Variants in BRF1 observed in about 807,000 individuals in gnomAD.
BRF1 encodes BRF1 general transcription factor IIIB subunit.
Under a neutral mutation model 81.7 loss-of-function variants are expected in BRF1, and 59 were observed. The observed-to-expected ratio is 0.72, with a 90% CI of 0.59 to 0.90. The LOEUF is 0.90. Among genes scored for constraint, BRF1 ranks in the 40% least tolerant of loss-of-function variants. The pLI is 0.00. For missense variants in BRF1, 1,050 were observed against 936.3 expected, an observed-to-expected ratio of 1.12 and a Z score of -1.58; for synonymous variants, 491 against 395.6, an observed-to-expected ratio of 1.24 and a Z score of -2.86.
At chr14:105,262,011 T>C (rs1018199168) in intron 3 of BRF1, among the ~76,000 whole-genome samples, 1 of 152,174 alleles carries the variant, frequency 6.6e-6, no homozygotes, top group African/African-American at 2.4e-5. Flanking sequence ...CGGCCGAAGC[T>C]CCGTGTAGAG....
At chr14:105,287,160 G>A (rs1056113086) in intron 1 of BRF1, among the ~76,000 whole-genome samples, 2 of 152,194 alleles carry the variant, frequency 1.3e-5, no homozygotes, top group Admixed American at 6.5e-5. Context: ...TGCCTACGAC[G>A]TCCACCACAT....
rs587676138 is a variant in BRF1 at position 105,313,198 on chromosome 14, C to T, written c.-162+2124G>A. On this transcript the variant is annotated intron_variant, in intron 1 of 17. Transcript: ENST00000327359. Reference sequence around the variant, plus strand: ...ACCATGTGTCAGGCGGCCCATCCGTCTGACTGCAACTGCACGCTCGCCAGG... The same window carrying T: ...ACCATGTGTCAGGCGGCCCATCCGTTTGACTGCAACTGCACGCTCGCCAGG... Among the ~76,000 whole-genome samples, 72 of 152,362 alleles carry T rather than the reference C, an allele frequency of 4.7e-4. 1 individual carries two copies. The highest frequency in any genetic ancestry group is 1.6e-3 in the African/African-American group (66 of 41,574).
chr14:105,293,460 G>A (rs2057604283), intron 1 of BRF1, among the ~76,000 whole-genome samples: 1 of 152,236 alleles, frequency 6.6e-6, no homozygotes, highest in African/African-American at 2.4e-5. Flanking sequence ...GCTGCTCCTT[G>A]CACAGGACGA....
Position 105,252,506 on chromosome 14 carries a change from C to T in BRF1, c.544+1G>A, listed in dbSNP as rs760328197. On this transcript the variant is annotated splice_donor_variant, in intron 5 of 17. Coordinates refer to ENST00000547530, the MANE Select transcript of BRF1 (RefSeq NM_001519.4). LOFTEE classifies it high-confidence loss of function. ...CCCCAGCATCTCACCCAGATGCCTA[C>T]CTATGGCCGGCGCATTGATGCAGAG... is the stretch of plus-strand genomic sequence containing the variant. 6.2e-7 allele frequency: 1 copy of T among 1,613,616 alleles called. No homozygotes were observed. The highest frequency in any genetic ancestry group is 8.5e-7 in the Non-Finnish European group (1 of 1,179,896).
At position 105,209,324 on chromosome 14, in the gene BRF1, A is replaced by G; in HGVS notation, c.*1227T>C. On this transcript the variant is annotated 3_prime_UTR_variant, in exon 18 of 18. Coordinates refer to ENST00000547530, the MANE Select transcript of BRF1 (RefSeq NM_001519.4). ...ACAACAGATCTTCCTGCTTTACTAAATCTATTCTTCCCCCAAGCCCTCGAG... is the reference window on the plus strand; with the variant it reads ...ACAACAGATCTTCCTGCTTTACTAAGTCTATTCTTCCCCCAAGCCCTCGAG... 1 of 551,904 alleles carries G rather than the reference A, an allele frequency of 1.8e-6. No individual in the cohort carries two copies. Among genetic ancestry groups the G allele is most frequent in the Non-Finnish European group, 3.2e-6 (1 of 308,972 alleles). The allele number at this position is 551,904 out of a possible 1,614,324, so 34.2% of individuals were successfully genotyped here.
At chr14:105,223,429 C>T (rs1029083667) in intron 10 of BRF1, among the ~76,000 whole-genome samples, 3 of 151,980 alleles carry the variant, frequency 2.0e-5, no homozygotes, top group Non-Finnish European at 4.4e-5. Context: ...ACCATTGATG[C>T]GTGACTCAAC....
rs1310601411 is a variant in BRF1, at chr14:105,217,819, G to A, written c.1516-19C>T. On this transcript the variant is annotated intron_variant, in intron 14 of 17. Transcript: ENST00000547530. Reference sequence around the variant, plus strand: ...TCTTGGGCTTGAGGGAAACAAGCAAGAATGCCTCCCGTGAGTCACGCCCAC... The same window carrying A: ...TCTTGGGCTTGAGGGAAACAAGCAAAAATGCCTCCCGTGAGTCACGCCCAC... The A allele has an allele frequency of 4.4e-6, 7 of 1,606,474 alleles. No homozygotes were observed. The Admixed American group carries it at 1.2e-4, about 27-fold the overall frequency.
At chr14:105,306,221 C>T (rs1057075011) in intron 1 of BRF1, among the ~76,000 whole-genome samples, 4 of 152,184 alleles carry the variant, frequency 2.6e-5, no homozygotes, top group African/African-American at 4.8e-5. Context: ...TTGAAGGACA[C>T]GCCTAGGCAC....
chr14:105,257,066 G>A (rs2140325981), intron 3 of BRF1, among the ~76,000 whole-genome samples: 2 of 152,256 alleles, frequency 1.3e-5, no homozygotes, highest in South Asian at 4.1e-4. Flanking sequence ...TGGTGAGCCT[G>A]CAGGCGCCAC....
At chr14:105,241,086 C>A (rs587709891) in intron 6 of BRF1, among the ~76,000 whole-genome samples, 179 bp downstream of exon 6, 2 of 152,342 alleles carry the variant, frequency 1.3e-5, no homozygotes, top group African/African-American at 4.8e-5. Context: ...ACGGGGCAGC[C>A]AGGAGGTCCT....
intron 3 of BRF1, among the ~76,000 whole-genome samples, chr14:105,264,454 G>A (rs2056305606): frequency 6.6e-6 from 1 of 151,916 alleles, no homozygotes; most frequent in African/African-American, 2.4e-5. Context: ...CACGAGGTCA[G>A]GATATCGGGA....
chr14:105,256,044 G>A (rs749868636), intron 4 of BRF1: 1 of 657,340 alleles, frequency 1.5e-6, no homozygotes, highest in Non-Finnish European at 2.2e-6. Context: ...AGGATTGCTT[G>A]AGCCCAGGAG....
intron 5 of BRF1, among the ~76,000 whole-genome samples, chr14:105,245,155 T>C (rs2054998053): frequency 6.6e-6 from 1 of 152,040 alleles, no homozygotes; most frequent in South Asian, 2.1e-4. Flanking sequence ...GCTCAGAAGT[T>C]TGAAACCAGC....
intron 5 of BRF1, among the ~76,000 whole-genome samples, chr14:105,245,058 T>C (rs1257858712): frequency 1.3e-5 from 2 of 152,136 alleles, no homozygotes; most frequent in Non-Finnish European, 2.9e-5. Context: ...AAGCGCTTTG[T>C]GTATTTAAGG....
At chr14:105,224,577 C>T (rs1892792986) in intron 10 of BRF1, among the ~76,000 whole-genome samples, 1 of 152,234 alleles carries the variant, frequency 6.6e-6, no homozygotes. Flanking sequence ...GGGACAGGGT[C>T]TGGCTCTGCT....
intron 4 of BRF1, among the ~76,000 whole-genome samples, chr14:105,254,329 T>C (rs1282701781): frequency 6.6e-6 from 1 of 152,208 alleles, no homozygotes; most frequent in Non-Finnish European, 1.5e-5. Flanking sequence ...CAATCTCTGC[T>C]CACTGCAAGC....
chr14:105,289,337 G>C (rs994069824), intron 1 of BRF1, among the ~76,000 whole-genome samples: 8 of 152,214 alleles, frequency 5.3e-5, no homozygotes, highest in Admixed American at 2.0e-4. Context: ...GTGAGAACCT[G>C]TCTGAACAAA....
chr14:105,296,638 G>A (rs35432259), intron 1 of BRF1, among the ~76,000 whole-genome samples: 3,098 of 149,048 alleles, frequency 0.021, 59 homozygotes, highest in Middle Eastern at 0.031. Flanking sequence ...CCAAGATGGT[G>A]CCACTGCACT....
upstream of BRF1, among the ~76,000 whole-genome samples, chr14:105,303,898 T>G (rs72711569): frequency 6.6e-6 from 1 of 152,168 alleles, no homozygotes; most frequent in Non-Finnish European, 1.5e-5. Flanking sequence ...AGGGAGCCCT[T>G]GAGGATGTGA....
Sources: gnomAD v4.1 joint callset for allele counts (sites outside exome capture counted in the v4.1 genomes callset) on GRCh38, gnomAD v4.1.1 for gene constraint, MANE v1.5 for transcripts, NCBI Gene and HGNC (gene_info 2026-07-23, HGNC 2026-07-21) for gene names.